CAGE1: variants seen among roughly 807,000 people sequenced by gnomAD.
CAGE1 encodes cancer-associated gene 1 protein.
In CAGE1, 66 loss-of-function variants were observed where a neutral mutation model predicts 94.9. The observed-to-expected ratio is 0.70, with a 90% CI of 0.57 to 0.85. CAGE1 has a LOEUF of 0.85. Among genes scored for constraint, CAGE1 ranks in the 40% least tolerant of loss-of-function variants. The pLI is 0.00. For missense variants in CAGE1, 865 were observed against 950.4 expected (o/e 0.91, Z 1.18); for synonymous variants, 319 against 321.0 (o/e 0.99, Z 0.07).
At chr6:7,387,260 T>G (rs912832178) in intron 1 of CAGE1, 64 bp from the exon 2 acceptor site, 2 of 845,848 alleles carry the variant, frequency 2.4e-6, no homozygotes, top group Non-Finnish European at 3.7e-6. Context: ...ATCCCTCTTC[T>G]CATTAAGAAA....
chr6:7,328,109 T>C (rs1259146284), intron 13 of CAGE1, among the ~76,000 whole-genome samples: 2 of 152,124 alleles, frequency 1.3e-5, no homozygotes, highest in Non-Finnish European at 2.9e-5. Flanking sequence ...AACATACCCA[T>C]GTCCTGGAAT....
At chr6:7,352,855 A>C (rs998627314) in intron 11 of CAGE1, among the ~76,000 whole-genome samples, 1 of 152,234 alleles carries the variant, frequency 6.6e-6, no homozygotes, top group Non-Finnish European at 1.5e-5. Flanking sequence ...TAGGAGAATA[A>C]AACTGGATCT....
At chr6:7,338,866 A>G (rs1409718723) in intron 11 of CAGE1, 7 of 1,482,016 alleles carry the variant, frequency 4.7e-6, no homozygotes, top group Admixed American at 3.4e-5. Context: ...AGGGCACGGC[A>G]GGAGGCTCTG....
At position 7,387,151 on chromosome 6, in the gene CAGE1, A is replaced by T; in HGVS notation, c.23T>A (p.Phe8Tyr). The change falls in exon 2 of 14, where the codon TTT (phenylalanine) becomes TAT (tyrosine). Residue 8 changes from phenylalanine (F) to tyrosine (Y), a missense_variant. Phe to Tyr is a conservative substitution (Grantham distance 22). Coordinates refer to ENST00000502583, the MANE Select transcript of CAGE1 (RefSeq NM_001170692.2). ...TACAGGATCTGAAGGTGATGACCAA[A>T]ATTTTTGATAGTCCTTGTTCATAAC... MNKDYQKFWSSPSDPVHF... is the reference protein window; with the variant it reads MNKDYQKYWSSPSDPVHF... The T allele has an allele frequency of 8.4e-6, 13 of 1,551,298 alleles. No homozygotes were observed. Among genetic ancestry groups the T allele is most frequent in the Non-Finnish European group, 1.1e-5 (13 of 1,146,688 alleles).
At chr6:7,333,815 G>A (rs1758856868) in intron 12 of CAGE1, among the ~76,000 whole-genome samples, 1 of 151,436 alleles carries the variant, frequency 6.6e-6, no homozygotes, top group Non-Finnish European at 1.5e-5. Context: ...TTACAGGCAC[G>A]TGCCACCATG....
rs1400753256 is a variant in CAGE1 at position 7,389,400 on chromosome 6, C to A, written c.-222G>T. The A allele has an allele frequency of 4.4e-6, 2 of 449,798 alleles. No homozygotes were observed. Among genetic ancestry groups the A allele is most frequent in the Non-Finnish European group, 9.0e-6 (2 of 223,404 alleles). The allele number at this position is 449,798 out of a possible 1,614,324, so 27.9% of individuals were successfully genotyped here. On this transcript the variant is annotated 5_prime_UTR_variant, in exon 1 of 14. Coordinates refer to ENST00000502583, the MANE Select transcript of CAGE1 (RefSeq NM_001170692.2). ...CTCCTCCACCAAGGACTCTCACAAACTCGCAATCGGGCTCCCGGAGTGCTG... is the reference window on the plus strand; with the variant it reads ...CTCCTCCACCAAGGACTCTCACAAAATCGCAATCGGGCTCCCGGAGTGCTG...
At chr6:7,359,977 C>CGCT (rs1242127380) in intron 9 of CAGE1, among the ~76,000 whole-genome samples, 1 of 152,126 alleles carries the variant, frequency 6.6e-6, no homozygotes, top group African/African-American at 2.4e-5. Context: ...AACAGGGCTG[C>CGCT]GCTCCTTTCT....
At chr6:7,349,618 G>T (rs1399148795) in intron 11 of CAGE1, among the ~76,000 whole-genome samples, 1 of 152,092 alleles carries the variant, frequency 6.6e-6, no homozygotes, top group Admixed American at 6.5e-5. Context: ...CCACTTAAAA[G>T]ATACAGAACT....
intron 11 of CAGE1, among the ~76,000 whole-genome samples, chr6:7,346,795 C>G (rs1759561354): frequency 6.7e-6 from 1 of 150,362 alleles, no homozygotes; most frequent in Non-Finnish European, 1.5e-5. Flanking sequence ...CACTGTGCTA[C>G]TGACTCCAGC....
chr6:7,377,946 T>G (rs1760811261), intron 4 of CAGE1, among the ~76,000 whole-genome samples: 1 of 152,174 alleles, frequency 6.6e-6, no homozygotes. Flanking sequence ...TATTTTCACT[T>G]TAGTAGAAAA....
chr6:7,352,302 A>AAC (rs1759804038), intron 11 of CAGE1, among the ~76,000 whole-genome samples: 1 of 102,146 alleles, frequency 9.8e-6, no homozygotes, highest in African/African-American at 4.3e-5. Flanking sequence ...AAAAAAAAAA[A>AAC]AAACAAAAAA....
chr6:7,329,643 A>G (rs1758675928), intron 13 of CAGE1, among the ~76,000 whole-genome samples: 2 of 152,272 alleles, frequency 1.3e-5, no homozygotes, highest in South Asian at 4.1e-4. Context: ...GATGGTGTGA[A>G]GGAGCCCTAC....
chr6:7,335,182 C>A (rs1316366909), intron 11 of CAGE1, among the ~76,000 whole-genome samples: 21 of 152,142 alleles, frequency 1.4e-4, no homozygotes, highest in Non-Finnish European at 1.5e-5. Context: ...TATAAGGACC[C>A]CTGTGATTGC....
intron 11 of CAGE1, 68 bp from the exon 12 acceptor site, chr6:7,334,158 C>T: frequency 1.1e-6 from 1 of 937,978 alleles, no homozygotes; most frequent in Non-Finnish European, 1.6e-6. Flanking sequence ...TTGTTAGATT[C>T]ACTGGAGGAT....
intron 11 of CAGE1, among the ~76,000 whole-genome samples, chr6:7,346,187 T>G (rs898806519): frequency 5.3e-5 from 8 of 152,220 alleles, no homozygotes; most frequent in African/African-American, 9.6e-5. Context: ...TACCTTTTAA[T>G]GAGAGTAAAG....
At chr6:7,364,217 T>A (rs1760252329) in intron 9 of CAGE1, among the ~76,000 whole-genome samples, 1 of 152,152 alleles carries the variant, frequency 6.6e-6, no homozygotes, top group African/African-American at 2.4e-5. Context: ...CCAACTGCCA[T>A]CTCCTTCATA....
intron 11 of CAGE1, among the ~76,000 whole-genome samples, chr6:7,334,725 CAAAAA>C (rs58790989): frequency 7.4e-5 from 5 of 67,914 alleles, no homozygotes; most frequent in African/African-American, 4.1e-4. Context: ...GACTCTCTCT[CAAAAA>C]AAAAAAAAAA....
At chr6:7,385,034 T>A (rs935037387) in intron 3 of CAGE1, among the ~76,000 whole-genome samples, 6 of 151,766 alleles carry the variant, frequency 4.0e-5, no homozygotes, top group African/African-American at 1.5e-4. Context: ...AGATGGAGTT[T>A]CGCTCTTGTT....
chr6:7,346,958 C>T (rs987514888), intron 11 of CAGE1, among the ~76,000 whole-genome samples: 2 of 152,190 alleles, frequency 1.3e-5, no homozygotes, highest in Non-Finnish European at 2.9e-5. Context: ...ATGGTCTCTT[C>T]TTCAACACAA....
Sources: gnomAD v4.1 joint callset for allele counts (sites outside exome capture counted in the v4.1 genomes callset) on GRCh38, gnomAD v4.1.1 for gene constraint, MANE v1.5 for transcripts, NCBI Gene and HGNC (gene_info 2026-07-23, HGNC 2026-07-21) for gene names.